Variants in NXPE4 observed in about 807,000 individuals in gnomAD.
NXPE4 encodes the protein neurexophilin and PC-esterase domain family member 4.
A neutral mutation model predicts 33.3 loss-of-function variants in NXPE4; 42 were observed. The observed-to-expected ratio is 1.26, with a 90% CI of 0.98 to 1.63. The LOEUF (loss-of-function observed/expected upper bound fraction) is 1.63. Among genes scored for constraint, NXPE4 ranks in the 40% most tolerant of loss-of-function variants. NXPE4 has a pLI of 0.00. For missense variants in NXPE4, 709 were observed against 647.6 expected (o/e 1.09, Z -1.03); for synonymous variants, 253 against 234.9 (o/e 1.08, Z -0.71).
At chr11:114,597,459 A>G (rs1949587347), upstream of NXPE4, among the ~76,000 whole-genome samples, 1 of 152,198 alleles carries the variant, frequency 6.6e-6, no homozygotes, top group African/African-American at 2.4e-5. Context: ...ACCTTGTGAT[A>G]TTCAGTTGGA....
chr11:114,577,757 C>T (rs1480186835), intron 5 of NXPE4, among the ~76,000 whole-genome samples: 1 of 152,060 alleles, frequency 6.6e-6, no homozygotes, highest in Non-Finnish European at 1.5e-5. Context: ...GAGGAAGGTA[C>T]TAATTGGTCT....
chr11:114,651,072 TATA>T, the NXPE4 span, among the ~76,000 whole-genome samples: 6 of 150,532 alleles, frequency 4.0e-5, no homozygotes, highest in African/African-American at 9.7e-5. Context: ...TAGCATAATG[TATA>T]ATAATATATA....
the NXPE4 span, among the ~76,000 whole-genome samples, chr11:114,609,794 G>A: frequency 6.6e-6 from 1 of 151,336 alleles, no homozygotes; most frequent in African/African-American, 2.4e-5. Context: ...ACAGTTACCT[G>A]ATGGATAATA....
the NXPE4 span, among the ~76,000 whole-genome samples, chr11:114,609,542 A>C: frequency 6.6e-6 from 1 of 151,182 alleles, no homozygotes; most frequent in Non-Finnish European, 1.5e-5. Context: ...ACTGTTACCC[A>C]ATGGATAATG....
At chr11:114,631,002 A>G in the NXPE4 span, among the ~76,000 whole-genome samples, 1 of 151,120 alleles carries the variant, frequency 6.6e-6, no homozygotes, top group African/African-American at 2.4e-5. Flanking sequence ...TAGAATGGCA[A>G]TCATTAAAAA....
Position 114,571,429 on chromosome 11 carries a change from GGT to G in NXPE4, c.1142_1143del (p.His381ProfsTer8). The stretch of plus-strand genomic sequence containing the variant: ...TTCCTATCCAAATCCACAGCAAGCT[GGT>G]GTTGCAATTTTCCAGATTCATGCAG... ...VDLHESGKLQ[H>X]QLAVDLDRNI... On this transcript the variant is annotated frameshift_variant, in exon 6 of 6. Coordinates refer to ENST00000375478, the MANE Select transcript of NXPE4 (RefSeq NM_001077639.2). LOFTEE classifies it low-confidence loss of function (END_TRUNC). 1 of 1,610,740 alleles carries G rather than the reference GGT, an allele frequency of 6.2e-7. No individual in the cohort carries two copies. Among genetic ancestry groups the G allele is most frequent in the South Asian group, 1.1e-5 (1 of 90,942 alleles).
chr11:114,616,398 G>C, the NXPE4 span, among the ~76,000 whole-genome samples: 2 of 151,326 alleles, frequency 1.3e-5, no homozygotes, highest in Non-Finnish European at 2.9e-5. Context: ...TTGTTGCCTC[G>C]TGGGTAACCG....
the NXPE4 span, among the ~76,000 whole-genome samples, chr11:114,645,170 C>T: frequency 6.6e-6 from 1 of 151,874 alleles, no homozygotes; most frequent in Non-Finnish European, 1.5e-5. Flanking sequence ...GGCGTGATGG[C>T]GTGCACTTAT....
intron 2 of NXPE4, among the ~76,000 whole-genome samples, chr11:114,588,772 G>A (rs375944823): frequency 1.9e-4 from 29 of 152,274 alleles, no homozygotes; most frequent in African/African-American, 5.8e-4. Context: ...GAATCCCACA[G>A]CCTTTATGGA....
At chr11:114,625,292 C>T in the NXPE4 span, among the ~76,000 whole-genome samples, 13 of 152,004 alleles carry the variant, frequency 8.6e-5, no homozygotes, top group African/African-American at 1.5e-4. Flanking sequence ...CATGCGTAAC[C>T]ACAGTTACCC....
chr11:114,610,051 A>G, the NXPE4 span, among the ~76,000 whole-genome samples: 1 of 151,834 alleles, frequency 6.6e-6, no homozygotes, highest in Admixed American at 6.6e-5. Flanking sequence ...TCCCCGGTGG[A>G]TAATAAGTCT....
the NXPE4 span, among the ~76,000 whole-genome samples, chr11:114,663,696 A>ATCTATCTATCTG: frequency 3.5e-4 from 53 of 151,158 alleles, 1 homozygote; most frequent in Admixed American, 2.8e-3. Flanking sequence ...CTATCTATCT[A>ATCTATCTATCTG]TCTATCTATC....
At chr11:114,629,383 T>C in the NXPE4 span, among the ~76,000 whole-genome samples, 1 of 151,568 alleles carries the variant, frequency 6.6e-6, no homozygotes, top group African/African-American at 2.4e-5. Flanking sequence ...AATCAATAAA[T>C]GTAATCCAGC....
the NXPE4 span, among the ~76,000 whole-genome samples, chr11:114,632,663 ATAGTATATATATT>A: frequency 6.8e-4 from 59 of 86,300 alleles, no homozygotes; most frequent in African/African-American, 3.0e-3. Context: ...AAATAAATAT[ATAGTATATATATT>A]TATATATATA....
At chr11:114,639,006 T>G in the NXPE4 span, among the ~76,000 whole-genome samples, 2 of 152,084 alleles carry the variant, frequency 1.3e-5, no homozygotes, top group Non-Finnish European at 2.9e-5. Flanking sequence ...GCTGTCAGAC[T>G]GGGACATTTA....
At chr11:114,580,001 G>T in intron 5 of NXPE4, 131 bp downstream of exon 5, 2 of 740,638 alleles carry the variant, frequency 2.7e-6, no homozygotes, top group Non-Finnish European at 4.6e-6. Context: ...ACAATGCCTT[G>T]TGAAAAATTT....
intron 5 of NXPE4, among the ~76,000 whole-genome samples, chr11:114,575,727 C>T (rs980825231): frequency 1.3e-5 from 2 of 152,182 alleles, no homozygotes; most frequent in African/African-American, 4.8e-5. Flanking sequence ...AAACACATCA[C>T]ATGCTCATGG....
At chr11:114,594,827 CAAACATGGG>C in intron 1 of NXPE4, 58 bp from the exon 2 acceptor site, 1 of 896,244 alleles carries the variant, frequency 1.1e-6, no homozygotes, top group African/African-American at 1.7e-5. Flanking sequence ...GAAAAGCAAA[CAAACATGGG>C]AAACATTTGA....
At chr11:114,581,699 C>T (rs757390564) in intron 4 of NXPE4, 26 bp downstream of exon 4, 1 of 1,588,104 alleles carries the variant, frequency 6.3e-7, no homozygotes, top group Admixed American at 1.7e-5. Context: ...AACTAGGCAC[C>T]ACCCACCAAA....
Sources: gnomAD v4.1 joint callset for allele counts (sites outside exome capture counted in the v4.1 genomes callset) on GRCh38, gnomAD v4.1.1 for gene constraint, MANE v1.5 for transcripts, NCBI Gene and HGNC (gene_info 2026-07-23, HGNC 2026-07-21) for gene names.